CCDC141: variants seen among roughly 807,000 people sequenced by gnomAD.
CCDC141 encodes the protein coiled-coil domain containing 141, also known as coiled-coil domain-containing protein 141.
CCDC141 carries 168 observed loss-of-function variants against 181.0 expected under a neutral mutation model. The observed-to-expected ratio is 0.93, with a 90% CI of 0.82 to 1.05. The LOEUF (loss-of-function observed/expected upper bound fraction) is 1.05, where lower values mean the gene tolerates loss of function less well. CCDC141 is among the 50% of genes least tolerant of loss of function. The pLI is 0.00. For synonymous variants in CCDC141, 666 were observed against 642.3 expected (o/e 1.04, Z -0.56); for missense variants, 1,902 against 1,788.5 (o/e 1.06, Z -1.14).
chr2:178,933,528 T>C (rs1689175255), intron 6 of CCDC141, among the ~76,000 whole-genome samples: 1 of 152,186 alleles, frequency 6.6e-6, no homozygotes, highest in Admixed American at 6.5e-5. Context: ...GCTATAAGTT[T>C]CCTTTAAGCC....
intron 17 of CCDC141, among the ~76,000 whole-genome samples, chr2:178,865,070 T>C (rs956943071): frequency 6.6e-6 from 1 of 152,142 alleles, no homozygotes; most frequent in Non-Finnish European, 1.5e-5. Flanking sequence ...AGGTGGTGGT[T>C]GTGATTTAGT....
intron 7 of CCDC141, among the ~76,000 whole-genome samples, chr2:178,915,590 A>C (rs1030901596): frequency 6.6e-6 from 1 of 152,246 alleles, no homozygotes; most frequent in Non-Finnish European, 1.5e-5. Context: ...ATTTTCAAGG[A>C]AAGTACCTTT....
At chr2:178,919,074 G>A (rs1401293883) in intron 6 of CCDC141, among the ~76,000 whole-genome samples, 167 bp from the exon 7 acceptor site, 1 of 152,148 alleles carries the variant, frequency 6.6e-6, no homozygotes, top group African/African-American at 2.4e-5. Flanking sequence ...TGAGAGGGCT[G>A]CCTTGCCCCT....
intron 8 of CCDC141, among the ~76,000 whole-genome samples, chr2:178,900,794 T>C (rs1345669441): frequency 6.6e-6 from 1 of 152,158 alleles, no homozygotes; most frequent in Non-Finnish European, 1.5e-5. Context: ...CTTCAGTTTC[T>C]GGTCAAGAGG....
chr2:178,890,890 CT>C (rs1687116507), intron 8 of CCDC141, among the ~76,000 whole-genome samples: 1 of 151,034 alleles, frequency 6.6e-6, no homozygotes, highest in Admixed American at 6.8e-5. Flanking sequence ...AGACATGCCA[CT>C]TTGTTAAGTG....
intron 2 of CCDC141, among the ~76,000 whole-genome samples, chr2:178,980,611 C>A (rs552553616): frequency 6.6e-6 from 1 of 152,026 alleles, no homozygotes. Flanking sequence ...CTTGCTCTAC[C>A]CCTCCTGGGT....
At chr2:179,012,805 C>T (rs760415309) in intron 2 of CCDC141, among the ~76,000 whole-genome samples, 15 of 152,052 alleles carry the variant, frequency 9.9e-5, no homozygotes, top group Non-Finnish European at 1.8e-4. Flanking sequence ...GCAGGGATAG[C>T]TTAACATATG....
chr2:178,913,446 A>G lies in CCDC141; in HGVS notation c.1092+5267T>C, dbSNP rs992080089. 1.1e-4 allele frequency among the ~76,000 whole-genome samples: 17 copies of G among 150,608 alleles called. No individual in the cohort carries two copies. The East Asian group carries it at 3.0e-3, about 26-fold the overall frequency. On this transcript the variant is annotated intron_variant, in intron 7 of 23. Coordinates refer to ENST00000443758, the MANE Select transcript of CCDC141 (RefSeq NM_173648.4). ...TTTCAATCTATACAACAACTGGACCATTTTAATTATTTTTTTTTCATCAGC... is the reference window on the plus strand; with the variant it reads ...TTTCAATCTATACAACAACTGGACCGTTTTAATTATTTTTTTTTCATCAGC...
At chr2:178,902,666 T>C (rs1687758523) in intron 8 of CCDC141, among the ~76,000 whole-genome samples, 1 of 151,736 alleles carries the variant, frequency 6.6e-6, no homozygotes, top group Non-Finnish European at 1.5e-5. Flanking sequence ...GAAGAAAACC[T>C]AGGCATTACC....
At chr2:178,905,019 G>A (rs1371477324) in intron 8 of CCDC141, among the ~76,000 whole-genome samples, 2 of 152,180 alleles carry the variant, frequency 1.3e-5, no homozygotes, top group East Asian at 1.9e-4. Flanking sequence ...AGATGCTAGG[G>A]TTTGAAAAGC....
intron 4 of CCDC141, among the ~76,000 whole-genome samples, chr2:178,970,034 G>A (rs1337706198): frequency 6.6e-6 from 1 of 152,092 alleles, no homozygotes; most frequent in Admixed American, 6.6e-5. Context: ...GCTACAAAGA[G>A]AATAAAATAC....
intron 14 of CCDC141, among the ~76,000 whole-genome samples, chr2:178,870,817 C>T (rs1276109809): frequency 1.3e-5 from 2 of 152,126 alleles, no homozygotes; most frequent in African/African-American, 4.8e-5. Context: ...ATGTGACTAG[C>T]AGGTGGCAAT....
rs139200446 is a variant in CCDC141 at position 178,838,765 on chromosome 2, T to C, written c.3475-1021A>G. 3.6e-3 allele frequency among the ~76,000 whole-genome samples: 552 copies of C among 152,286 alleles called. 2 individuals are homozygous for C. Among genetic ancestry groups the C allele is most frequent in the Non-Finnish European group, 5.9e-3 (401 of 68,018 alleles). ...GAAAGCACCTGCCACTTGTCTCTGC[T>C]CCAATCTGAGTGTAGTCCTGCTAGG... On this transcript the variant is annotated intron_variant, in intron 22 of 23. Transcript: ENST00000443758.
chr2:178,998,647 T>C (rs934007550), intron 2 of CCDC141, among the ~76,000 whole-genome samples: 8 of 152,244 alleles, frequency 5.3e-5, no homozygotes, highest in Admixed American at 3.9e-4. Context: ...TGTTGCATGG[T>C]CCATTAAAAT....
intron 2 of CCDC141, among the ~76,000 whole-genome samples, chr2:179,023,189 G>C (rs2042736431): frequency 6.6e-6 from 1 of 152,178 alleles, no homozygotes; most frequent in Non-Finnish European, 1.5e-5. Context: ...AAAATAATAA[G>C]AGGTAATCAT....
chr2:178,962,251 G>T (rs1690438716), intron 4 of CCDC141, among the ~76,000 whole-genome samples: 1 of 152,198 alleles, frequency 6.6e-6, no homozygotes, highest in African/African-American at 2.4e-5. Flanking sequence ...AAGGGAGAAA[G>T]TGTAGAAGGA....
chr2:178,892,172 G>A (rs990682357), intron 8 of CCDC141, among the ~76,000 whole-genome samples: 2 of 152,116 alleles, frequency 1.3e-5, no homozygotes, highest in Non-Finnish European at 2.9e-5. Context: ...TCTTTGGTAT[G>A]CTTTAGCATT....
At chr2:179,047,018 G>C (rs370033145) in intron 2 of CCDC141, among the ~76,000 whole-genome samples, 1 of 151,856 alleles carries the variant, frequency 6.6e-6, no homozygotes, top group Non-Finnish European at 1.5e-5. Context: ...TCCCACTGAG[G>C]CAGCCAGGAA....
intron 2 of CCDC141, among the ~76,000 whole-genome samples, chr2:179,026,982 T>C (rs57581066): frequency 0.1 from 15,350 of 152,264 alleles, 1,166 homozygotes; most frequent in Admixed American, 0.21. Flanking sequence ...GTACCTTCAT[T>C]GTATCTAGGA....
Sources: allele counts gnomAD v4.1 joint callset (sites outside exome capture counted in the v4.1 genomes callset), GRCh38; gene constraint gnomAD v4.1.1; transcripts MANE v1.5; gene names NCBI Gene and HGNC (gene_info 2026-07-23, HGNC 2026-07-21).